The following GPC5 variants were observed in gnomAD, a reference collection of about 807,000 sequenced individuals.
GPC5 encodes glypican 5, also known as glypican-5.
A neutral mutation model predicts 53.9 loss-of-function variants in GPC5; 47 were observed. The observed-to-expected ratio is 0.87, with a 90% confidence interval of 0.69 to 1.11. GPC5 has a LOEUF of 1.11. GPC5 is among the 50% of genes most tolerant of loss of function. The pLI is 0.00. For missense variants in GPC5, 748 were observed against 713.1 expected (o/e 1.05, Z -0.56); for synonymous variants, 286 against 263.3 (o/e 1.09, Z -0.84).
intron 6 of GPC5, among the ~76,000 whole-genome samples, chr13:92,141,348 G>A (rs753040413): frequency 1.3e-4 from 20 of 152,108 alleles, no homozygotes; most frequent in Non-Finnish European, 2.2e-4. Flanking sequence ...GTGGGATCCT[G>A]GATATATCTG....
At chr13:92,491,529 G>A (rs1223495220) in intron 7 of GPC5, among the ~76,000 whole-genome samples, 5 of 151,886 alleles carry the variant, frequency 3.3e-5, no homozygotes, top group Non-Finnish European at 5.9e-5. Flanking sequence ...AACACACATC[G>A]GCAGCACGTT....
At chr13:92,007,907 T>C (rs1335963163) in intron 6 of GPC5, among the ~76,000 whole-genome samples, 1 of 152,136 alleles carries the variant, frequency 6.6e-6, no homozygotes. Context: ...ATATGAGGAC[T>C]CCAAAACTCT....
At chr13:92,360,205 A>G (rs1445260539) in intron 7 of GPC5, among the ~76,000 whole-genome samples, 2 of 151,658 alleles carry the variant, frequency 1.3e-5, no homozygotes, top group Non-Finnish European at 2.9e-5. Flanking sequence ...GCCTTCTAGC[A>G]TTTTAAAATC....
chr13:92,081,356 A>G (rs2041293984), intron 6 of GPC5, among the ~76,000 whole-genome samples: 1 of 151,722 alleles, frequency 6.6e-6, no homozygotes, highest in Admixed American at 6.6e-5. Context: ...CCTGCCTTGG[A>G]CTCCCAAAGT....
At chr13:92,574,931 C>T (rs992839840) in intron 7 of GPC5, among the ~76,000 whole-genome samples, 17 of 152,114 alleles carry the variant, frequency 1.1e-4, no homozygotes, top group South Asian at 4.1e-4. Flanking sequence ...GAGAAAGGGA[C>T]GCTGGAAAGA....
At chr13:91,534,726 A>C (rs748179870) in intron 2 of GPC5, among the ~76,000 whole-genome samples, 1 of 152,132 alleles carries the variant, frequency 6.6e-6, no homozygotes, top group Admixed American at 6.5e-5. Context: ...CTAACACATC[A>C]CTGAATCCTG....
chr13:92,228,672 G>A (rs1392770701), intron 7 of GPC5, among the ~76,000 whole-genome samples: 1 of 151,996 alleles, frequency 6.6e-6, no homozygotes, highest in Non-Finnish European at 1.5e-5. Context: ...ATAAGATAAA[G>A]ACATGTCAGA....
rs1275378628 is a variant in GPC5 at position 91,989,948 on chromosome 13, C to A, written c.1401+81891C>A. On this transcript the variant is annotated intron_variant, in intron 6 of 7. Transcript: ENST00000377067. ...GTGAAGAGAATTAAAAAAAACTTCA[C>A]CCTTTTTGCTTTCTTTGTGTGACAC... 2.0e-5 allele frequency among the ~76,000 whole-genome samples: 3 copies of A among 152,054 alleles called. No individual in the cohort carries two copies. In the East Asian group the frequency reaches 5.8e-4, roughly 29 times the overall value.
intron 7 of GPC5, among the ~76,000 whole-genome samples, chr13:92,601,321 G>A (rs576119539): frequency 5.6e-4 from 85 of 151,940 alleles, no homozygotes; most frequent in Middle Eastern, 3.4e-3. Context: ...TTTGGGAGGC[G>A]GAGGCAGGCG....
intron 7 of GPC5, among the ~76,000 whole-genome samples, chr13:92,605,060 C>T (rs749434825): frequency 1.3e-5 from 2 of 152,172 alleles, no homozygotes; most frequent in Admixed American, 6.5e-5. Context: ...ATTGAACACA[C>T]GTGAACACTA....
chr13:92,647,187 T>C (rs949811081), intron 7 of GPC5, among the ~76,000 whole-genome samples: 2 of 152,166 alleles, frequency 1.3e-5, no homozygotes, highest in South Asian at 2.1e-4. Flanking sequence ...CATCCTTACC[T>C]TGTTTTCAAC....
At chr13:92,060,567 T>C (rs181119446) in intron 6 of GPC5, among the ~76,000 whole-genome samples, 7 of 152,180 alleles carry the variant, frequency 4.6e-5, no homozygotes, top group Admixed American at 4.6e-4. Context: ...TATAGAATTC[T>C]CAGAGTTCTT....
chr13:91,419,720 A>C (rs1039129366), intron 1 of GPC5, among the ~76,000 whole-genome samples: 8 of 152,200 alleles, frequency 5.3e-5, no homozygotes, highest in Non-Finnish European at 1.2e-4. Flanking sequence ...CCTGGTAACA[A>C]GACGTATTAG....
At chr13:92,213,569 C>T (rs1483320449) in intron 7 of GPC5, among the ~76,000 whole-genome samples, 1 of 152,146 alleles carries the variant, frequency 6.6e-6, no homozygotes. Flanking sequence ...TATAATCTGT[C>T]AGAGCCATTA....
intron 2 of GPC5, among the ~76,000 whole-genome samples, chr13:91,559,246 G>A (rs370621136): frequency 1.3e-4 from 20 of 152,236 alleles, no homozygotes; most frequent in South Asian, 6.2e-4. Context: ...AAGCAGGTGC[G>A]TAGCAAACTG....
intron 2 of GPC5, among the ~76,000 whole-genome samples, chr13:91,618,908 T>C (rs1379595369): frequency 6.6e-6 from 1 of 152,112 alleles, no homozygotes; most frequent in Admixed American, 6.6e-5. Context: ...ATCTGGTATA[T>C]AGCAAAACAA....
At chr13:92,193,338 A>T (rs1421494108) in intron 7 of GPC5, among the ~76,000 whole-genome samples, 1 of 152,092 alleles carries the variant, frequency 6.6e-6, no homozygotes, top group African/African-American at 2.4e-5. Flanking sequence ...AATGGAATCA[A>T]ATAGCATACA....
chr13:91,399,727 C>A (rs1876782685), intron 1 of GPC5, among the ~76,000 whole-genome samples: 1 of 152,262 alleles, frequency 6.6e-6, no homozygotes, highest in Middle Eastern at 3.4e-3. Flanking sequence ...GGACTTGGAC[C>A]CTGTGCACCC....
intron 7 of GPC5, among the ~76,000 whole-genome samples, chr13:92,177,246 C>A (rs947812659): frequency 6.6e-6 from 1 of 152,168 alleles, no homozygotes. Context: ...GCCAGTCTAG[C>A]CTCTGGCAAC....
Sources: allele counts gnomAD v4.1 joint callset (sites outside exome capture counted in the v4.1 genomes callset), GRCh38; gene constraint gnomAD v4.1.1; transcripts MANE v1.5; gene names NCBI Gene and HGNC (gene_info 2026-07-23, HGNC 2026-07-21).